The following MYB variants were observed in gnomAD, a reference collection of about 807,000 sequenced individuals.
The protein encoded by MYB is transcriptional activator Myb.
MYB carries 28 observed loss-of-function variants against 92.9 expected under a neutral mutation model. That is an observed-to-expected ratio of 0.30 (90% confidence interval 0.22 to 0.41). The LOEUF is 0.41. Ranked by LOEUF, MYB falls within the 10% of genes least tolerant of loss-of-function variation. The pLI, the probability that MYB is intolerant of heterozygous loss-of-function variation, is 1.00. For synonymous variants in MYB, 295 were observed against 329.1 expected (o/e 0.90, Z 1.12); for missense variants, 679 against 929.3 (o/e 0.73, Z 3.50).
chr6:135,204,340 C>A (rs1778564238), intron 15 of MYB, among the ~76,000 whole-genome samples: 1 of 152,174 alleles, frequency 6.6e-6, no homozygotes, highest in Non-Finnish European at 1.5e-5. Flanking sequence ...ACCCGGTGGC[C>A]CAGGCTGGAG....
chr6:135,207,467 C>A (rs9321495), intron 15 of MYB, among the ~76,000 whole-genome samples: 1 of 152,210 alleles, frequency 6.6e-6, no homozygotes, highest in South Asian at 2.1e-4. Flanking sequence ...GTTTTAATCA[C>A]CCCGGCTTGA....
rs764407905 is a variant in MYB, at chr6:135,198,899, C to T, written c.1567-9C>T. On this transcript the variant is annotated splice_polypyrimidine_tract_variant and intron_variant, in intron 10 of 15. Transcript: ENST00000341911. ...AATCTAAGTATTTTTTCTTTCTCTCCATATTTAGTTCTTAAACACTTCCAG... is the reference window on the plus strand; with the variant it reads ...AATCTAAGTATTTTTTCTTTCTCTCTATATTTAGTTCTTAAACACTTCCAG... The T allele has an allele frequency of 1.3e-5, 20 of 1,588,486 alleles. No homozygotes were observed. The highest frequency in any genetic ancestry group is 4.5e-5 in the South Asian group (4 of 88,130).
At chr6:135,212,224 C>CTGTTTTT (rs1779808416) in intron 15 of MYB, among the ~76,000 whole-genome samples, 1 of 32,882 alleles carries the variant, frequency 3.0e-5, no homozygotes, top group Non-Finnish European at 5.3e-5. Flanking sequence ...TTTGGTTTTA[C>CTGTTTTT]TTTTTTTTTT....
intron 15 of MYB, among the ~76,000 whole-genome samples, chr6:135,211,266 A>C (rs1779670013): frequency 6.7e-6 from 1 of 149,886 alleles, no homozygotes; most frequent in Non-Finnish European, 1.5e-5. Context: ...TTTTCCACTT[A>C]CCCTGGCAGA....
Position 135,190,048 on chromosome 6 carries a change from C to T in MYB, c.307-79C>T, listed in dbSNP as rs1776441611. 7 of 1,521,642 alleles carry T rather than the reference C, an allele frequency of 4.6e-6. No individual in the cohort carries two copies. Among genetic ancestry groups the T allele is most frequent in the Non-Finnish European group, 6.3e-6 (7 of 1,114,950 alleles). The allele number at this position is 1,521,642 out of a possible 1,614,324, so 94.3% of individuals were successfully genotyped here. ...CAAATTTTGGAAATTTTCTAAAGAT[C>T]TTGTAACACTGAAGAATGATTATAC... On this transcript the variant is annotated intron_variant, in intron 4 of 15. Transcript: ENST00000341911. This position sits in a 1 kb window ranked among gnomAD's most constrained non-coding sequence, Gnocchi z 4.5.
chr6:135,195,943 A>G lies in MYB; in HGVS notation c.1144A>G (p.Ile382Val). Residue 382 changes from isoleucine (I) to valine (V), a missense_variant, in exon 9 of 16, where the codon ATT becomes GTT. Ile to Val is a conservative substitution (Grantham distance 29). Transcript: ENST00000341911. ...GTGCATGATCGTCCACCAGGGCACC[A>G]TTCTGGATAATGTTAAGAACCTCTT... Reference protein sequence around the residue: ...ARCMIVHQGTILDNVKNLLEF... With the variant: ...ARCMIVHQGTVLDNVKNLLEF... 6.2e-7 allele frequency: 1 copy of G among 1,614,174 alleles called. No individual in the cohort carries two copies. The highest frequency in any genetic ancestry group is 8.5e-7 in the Non-Finnish European group (1 of 1,179,996).
chr6:135,215,358 T>A (rs210941), intron 15 of MYB, among the ~76,000 whole-genome samples: 1 of 151,946 alleles, frequency 6.6e-6, no homozygotes, highest in Non-Finnish European at 1.5e-5. Context: ...TTTTATTGTT[T>A]CTGATAAGAA....
intron 3 of MYB, among the ~76,000 whole-genome samples, chr6:135,188,344 G>C (rs931598722): frequency 3.7e-4 from 57 of 152,172 alleles, no homozygotes; most frequent in Middle Eastern, 6.8e-3. Context: ...CATCTAAGCA[G>C]TTACTAAGGA....
intron 15 of MYB, 75 bp downstream of exon 15, chr6:135,203,399 G>GGTT: frequency 1.7e-6 from 2 of 1,210,054 alleles, no homozygotes; most frequent in Admixed American, 1.8e-5. Context: ...TGGTGGTGGT[G>GGTT]GTGGTGATGG....
intron 3 of MYB, among the ~76,000 whole-genome samples, chr6:135,188,930 G>A (rs1165516997): frequency 2.0e-5 from 3 of 152,130 alleles, no homozygotes; most frequent in Non-Finnish European, 4.4e-5. Context: ...TAAGTAAACT[G>A]CCTTGACTTG....
intron 15 of MYB, among the ~76,000 whole-genome samples, chr6:135,216,492 T>C (rs773821762): frequency 6.6e-6 from 1 of 152,214 alleles, no homozygotes; most frequent in Non-Finnish European, 1.5e-5. Flanking sequence ...TTATAATAGC[T>C]AATACAATGT....
At position 135,181,668 on chromosome 6, in the gene MYB, GC is replaced by G. The variant is rs1775057752; in HGVS notation, c.23+136del. 3.8e-6 allele frequency: 2 copies of G among 527,370 alleles called. No individual in the cohort carries two copies. Among genetic ancestry groups the G allele is most frequent in the Non-Finnish European group, 5.2e-6 (2 of 387,086 alleles). 32.7% of individuals were successfully genotyped at this position (527,370 alleles called of 1,614,324 possible). A position where few individuals can be genotyped will look rare whatever the true frequency, so the allele number is the denominator to read the frequency against. ...CTGTCAGACCCTCCGAGGACCTGGA[GC>G]CCCTGCCTCGGCAGCAGAAGCCGCT... On this transcript the variant is annotated intron_variant, in intron 1 of 15. Coordinates refer to ENST00000341911, the MANE Select transcript of MYB (RefSeq NM_001130173.2). The surrounding 1 kb of genome is among the most constrained non-coding windows in gnomAD (Gnocchi z 5.3).
chr6:135,199,720 T>A (rs1583324225), intron 11 of MYB: 2 of 277,966 alleles, frequency 7.2e-6, no homozygotes, highest in East Asian at 2.4e-4. Context: ...TTTAACATGT[T>A]TTGTAGTATG....
chr6:135,209,104 C>T (rs1182831234), intron 15 of MYB, among the ~76,000 whole-genome samples: 1 of 152,182 alleles, frequency 6.6e-6, no homozygotes, highest in Non-Finnish European at 1.5e-5. Flanking sequence ...CATTTCCTTA[C>T]TCTCTTACTG....
At chr6:135,213,218 C>A (rs181274952) in intron 15 of MYB, among the ~76,000 whole-genome samples, 1 of 152,314 alleles carries the variant, frequency 6.6e-6, no homozygotes. Flanking sequence ...CTTGGCTGCC[C>A]TAGCTCTGAG....
intron 10 of MYB, 33 bp from the exon 11 acceptor site, chr6:135,198,875 A>C: frequency 6.5e-7 from 1 of 1,537,350 alleles, no homozygotes; most frequent in Non-Finnish European, 8.9e-7. Context: ...TTACCATCTA[A>C]TCTAAGTATT....
chr6:135,205,068 A>G (rs1383242106), intron 15 of MYB, among the ~76,000 whole-genome samples: 3 of 152,106 alleles, frequency 2.0e-5, no homozygotes, highest in Admixed American at 1.3e-4. Flanking sequence ...CTCCATCTCA[A>G]AAAAAAGAAT....
At chr6:135,202,254 CA>C (rs1465312172) in intron 14 of MYB, among the ~76,000 whole-genome samples, 20 of 152,238 alleles carry the variant, frequency 1.3e-4, no homozygotes, top group African/African-American at 4.3e-4. Flanking sequence ...GAGCTAATAA[CA>C]GCTGCTAAGA....
At chr6:135,206,867 G>A (rs926375586) in intron 15 of MYB, among the ~76,000 whole-genome samples, 29 of 152,152 alleles carry the variant, frequency 1.9e-4, no homozygotes, top group Non-Finnish European at 3.8e-4. Flanking sequence ...TGGAGTTCTA[G>A]CTTCTGATAT....
Sources: gnomAD v4.1 joint callset for allele counts (sites outside exome capture counted in the v4.1 genomes callset) on GRCh38, gnomAD v4.1.1 for gene constraint, Gnocchi (gnomAD v3.1) non-coding constraint, MANE v1.5 for transcripts, NCBI Gene and HGNC (gene_info 2026-07-23, HGNC 2026-07-21) for gene names.